Variants in GPHN observed in about 807,000 individuals in gnomAD.
GPHN encodes gephyrin.
A neutral mutation model predicts 95.5 loss-of-function variants in GPHN; 17 were observed. That is an observed-to-expected ratio of 0.18 (90% CI 0.12 to 0.27). GPHN has a LOEUF of 0.27. Ranked by LOEUF, GPHN falls within the 10% of genes least tolerant of loss-of-function variation. The pLI is 1.00. For missense variants in GPHN, 660 were observed against 978.1 expected (o/e 0.67, Z 4.34); for synonymous variants, 320 against 322.5 (o/e 0.99, Z 0.08).
chr14:67,227,193 G>A, the GPHN span, among the ~76,000 whole-genome samples: 1 of 152,066 alleles, frequency 6.6e-6, no homozygotes, highest in African/African-American at 2.4e-5. Flanking sequence ...TGTAATCCCA[G>A]CACTTTGGGA....
chr14:67,170,027 G>A (rs61990926), intron 21 of GPHN, among the ~76,000 whole-genome samples: 2,650 of 152,216 alleles, frequency 0.017, 36 homozygotes, highest in Non-Finnish European at 0.026. Flanking sequence ...GCAGTGAGCC[G>A]AGATTATGCC....
chr14:66,562,890 T>C (rs1241686351), intron 1 of GPHN, among the ~76,000 whole-genome samples: 7 of 152,150 alleles, frequency 4.6e-5, no homozygotes, highest in Admixed American at 3.3e-4. Context: ...TTTGTGTGTG[T>C]GTGTGCGCAA....
the GPHN span, among the ~76,000 whole-genome samples, chr14:67,264,838 A>G: frequency 6.6e-6 from 1 of 152,224 alleles, no homozygotes; most frequent in African/African-American, 2.4e-5. Context: ...CAGAAATGCA[A>G]AAGCTGTTAA....
chr14:67,703,587 A>G, the GPHN span, among the ~76,000 whole-genome samples: 1 of 152,230 alleles, frequency 6.6e-6, no homozygotes, highest in Non-Finnish European at 1.5e-5. Flanking sequence ...TGGGTGGACC[A>G]CTTGAGTTCT....
At chr14:66,966,345 A>G (rs1465031937) in intron 9 of GPHN, among the ~76,000 whole-genome samples, 1 of 152,090 alleles carries the variant, frequency 6.6e-6, no homozygotes, top group Non-Finnish European at 1.5e-5. Context: ...CAATCTTCTC[A>G]GCAATGTTTC....
intron 9 of GPHN, among the ~76,000 whole-genome samples, chr14:67,005,685 T>C (rs189316597): frequency 6.6e-6 from 1 of 152,102 alleles, no homozygotes; most frequent in East Asian, 1.9e-4. Context: ...ATGCATTGGT[T>C]GATAAGTTGA....
At chr14:67,256,988 A>T in the GPHN span, among the ~76,000 whole-genome samples, 1 of 152,208 alleles carries the variant, frequency 6.6e-6, no homozygotes, top group East Asian at 1.9e-4. Context: ...TCCTGACGAC[A>T]GGTGCCCAAG....
intron 1 of GPHN, among the ~76,000 whole-genome samples, chr14:66,619,227 C>A (rs997965590): frequency 2.0e-5 from 3 of 151,992 alleles, no homozygotes; most frequent in Admixed American, 1.3e-4. Flanking sequence ...CTTTTTTATT[C>A]ATTTCAGTAA....
At chr14:67,446,021 T>G in the GPHN span, 1 of 517,472 alleles carries the variant, frequency 1.9e-6, no homozygotes, top group African/African-American at 1.9e-5. Context: ...CCAGATCTTT[T>G]GTTCATTTTA....
the GPHN span, chr14:67,303,456 T>C: frequency 5.5e-6 from 7 of 1,266,684 alleles, no homozygotes; most frequent in Non-Finnish European, 8.1e-6. Context: ...GGAATATAGA[T>C]CATAAAATCA....
chr14:67,023,278 G>A (rs2073753112), intron 9 of GPHN, among the ~76,000 whole-genome samples: 1 of 151,868 alleles, frequency 6.6e-6, no homozygotes, highest in Non-Finnish European at 1.5e-5. Context: ...TTCTAGTCAA[G>A]AGATATACTG....
At chr14:67,648,020 G>A in the GPHN span, 81 of 1,567,724 alleles carry the variant, frequency 5.2e-5, 1 homozygote, top group Admixed American at 1.0e-3. Context: ...ATTATTTTAA[G>A]TATTATTTTA....
At chr14:67,712,351 G>A in the GPHN span, among the ~76,000 whole-genome samples, 189 of 152,048 alleles carry the variant, frequency 1.2e-3, 2 homozygotes, top group African/African-American at 4.5e-3. Context: ...TAAAAATTTT[G>A]TTGTTGTTGT....
the GPHN span, among the ~76,000 whole-genome samples, chr14:67,696,667 C>T: frequency 1.3e-5 from 2 of 152,192 alleles, no homozygotes; most frequent in East Asian, 1.9e-4. Flanking sequence ...GTATTTAATC[C>T]TGTCTTGAAT....
intron 4 of GPHN, among the ~76,000 whole-genome samples, chr14:66,837,416 G>A (rs1278179182): frequency 1.5e-5 from 2 of 134,940 alleles, no homozygotes; most frequent in East Asian, 2.2e-4. Flanking sequence ...GACACAGGAA[G>A]GGGAACATCA....
chr14:66,838,678 A>G (rs1318059661), intron 4 of GPHN, among the ~76,000 whole-genome samples: 1 of 152,188 alleles, frequency 6.6e-6, no homozygotes, highest in African/African-American at 2.4e-5. Flanking sequence ...CTAGAGACAT[A>G]GTCTAAGGAA....
the GPHN span, chr14:67,647,903 T>C: frequency 1.2e-6 from 1 of 801,672 alleles, no homozygotes. Flanking sequence ...ATAGGAAGCC[T>C]GGAAATGTAT....
intron 8 of GPHN, among the ~76,000 whole-genome samples, chr14:66,939,085 C>T (rs2067269465): frequency 6.6e-6 from 1 of 152,184 alleles, no homozygotes; most frequent in Non-Finnish European, 1.5e-5. Flanking sequence ...CACAATACAA[C>T]TCTTGGAGTC....
the GPHN span, chr14:67,657,289 G>A: frequency 6.6e-6 from 1 of 152,190 alleles, no homozygotes; most frequent in East Asian, 1.9e-4. Flanking sequence ...AAAAACGTAT[G>A]TGGTTACCCT....
Sources: gnomAD v4.1 joint callset for allele counts (sites outside exome capture counted in the v4.1 genomes callset) on GRCh38, gnomAD v4.1.1 for gene constraint, MANE v1.5 for transcripts, NCBI Gene and HGNC (gene_info 2026-07-23, HGNC 2026-07-21) for gene names.